MCUB: variants seen among roughly 807,000 people sequenced by gnomAD.
The protein encoded by MCUB is calcium uniporter regulatory subunit MCUb, mitochondrial.
MCUB carries 46 observed loss-of-function variants against 41.4 expected under a neutral mutation model. That is an observed-to-expected ratio of 1.11 (90% CI 0.88 to 1.42). The LOEUF (loss-of-function observed/expected upper bound fraction) is 1.42. MCUB is among the 40% of genes most tolerant of loss of function. The probability of loss-of-function intolerance (pLI) is 0.00; values close to 1 mark genes in which losing one functional copy is unlikely to be tolerated. For synonymous variants in MCUB, 148 were observed against 148.2 expected, an observed-to-expected ratio of 1.00 and a Z score of 0.01; for missense variants, 403 against 404.9, an observed-to-expected ratio of 1.00 and a Z score of 0.04.
chr4:109,667,199 A>C (rs181152515), intron 4 of MCUB, among the ~76,000 whole-genome samples: 1 of 152,274 alleles, frequency 6.6e-6, no homozygotes, highest in East Asian at 1.9e-4. Flanking sequence ...AGAATTCACC[A>C]AGAAAATCCA....
intron 1 of MCUB, among the ~76,000 whole-genome samples, chr4:109,579,854 C>T (rs747859742): frequency 6.6e-6 from 1 of 152,034 alleles, no homozygotes; most frequent in Non-Finnish European, 1.5e-5. Context: ...AAATAATGAA[C>T]CAAATCCCCA....
At chr4:109,567,696 G>A (rs1356482049) in intron 1 of MCUB, among the ~76,000 whole-genome samples, 1 of 151,566 alleles carries the variant, frequency 6.6e-6, no homozygotes, top group Non-Finnish European at 1.5e-5. Context: ...TTGAACAGGG[G>A]CTTTTTATTT....
chr4:109,624,901 A>G (rs1156723823), intron 1 of MCUB, among the ~76,000 whole-genome samples: 1 of 152,158 alleles, frequency 6.6e-6, no homozygotes, highest in Non-Finnish European at 1.5e-5. Context: ...GCATTTTGGG[A>G]GGCCAAGGTG....
chr4:109,563,160 G>A (rs780282083), intron 1 of MCUB, among the ~76,000 whole-genome samples: 1 of 152,174 alleles, frequency 6.6e-6, no homozygotes, highest in Non-Finnish European at 1.5e-5. Flanking sequence ...GAAAGCCCTT[G>A]CCTAAATGTG....
intron 1 of MCUB, among the ~76,000 whole-genome samples, chr4:109,592,384 TG>T (rs1727457979): frequency 6.6e-6 from 1 of 151,746 alleles, no homozygotes; most frequent in Admixed American, 6.6e-5. Context: ...CATTCCAGCC[TG>T]GGTGACAGAA....
chr4:109,676,433 G>C (rs1561250289), intron 4 of MCUB, among the ~76,000 whole-genome samples: 1 of 152,232 alleles, frequency 6.6e-6, no homozygotes, highest in Admixed American at 6.5e-5. Context: ...TTTGAAATGA[G>C]GAATATCTTA....
In MCUB at chr4:109,582,484, C is replaced by A. The variant is rs908679949; in HGVS notation, c.99+22048C>A. 2.0e-5 allele frequency among the ~76,000 whole-genome samples: 3 copies of A among 150,864 alleles called. No individual in the cohort carries two copies. In the East Asian group the frequency reaches 5.8e-4, roughly 29 times the overall value. ...GGCACATGTATACATATGTAACAAACCTGCACGTGGGGCACATGTACCCTA... is the reference window on the plus strand; with the variant it reads ...GGCACATGTATACATATGTAACAAAACTGCACGTGGGGCACATGTACCCTA... On this transcript the variant is annotated intron_variant, in intron 1 of 7. Transcript: ENST00000394650.
chr4:109,626,213 C>T (rs1263293201), intron 1 of MCUB, among the ~76,000 whole-genome samples: 1 of 152,146 alleles, frequency 6.6e-6, no homozygotes, highest in Non-Finnish European at 1.5e-5. Flanking sequence ...ATCCCAAATT[C>T]CTTCCTGAAA....
chr4:109,563,521 G>A (rs1726691018), intron 1 of MCUB, among the ~76,000 whole-genome samples: 1 of 152,144 alleles, frequency 6.6e-6, no homozygotes, highest in African/African-American at 2.4e-5. Context: ...CTCTCCTGAG[G>A]AGAGCAATTG....
At chr4:109,673,791 G>A (rs1729511253) in intron 4 of MCUB, 1 of 640,446 alleles carries the variant, frequency 1.6e-6, no homozygotes, top group Non-Finnish European at 2.8e-6. Context: ...TCAGAAGCCG[G>A]TTGGCGGGTG....
intron 1 of MCUB, among the ~76,000 whole-genome samples, chr4:109,590,296 A>G (rs1175692864): frequency 6.6e-6 from 1 of 152,322 alleles, no homozygotes; most frequent in East Asian, 1.9e-4. Flanking sequence ...TCATTGCTCT[A>G]TAATTGGCTT....
intron 1 of MCUB, among the ~76,000 whole-genome samples, chr4:109,584,973 G>A (rs1262967141): frequency 6.6e-6 from 1 of 152,152 alleles, no homozygotes; most frequent in East Asian, 1.9e-4. Context: ...AGGTCTGCTT[G>A]GTCCAGAGCT....
At chr4:109,638,953 C>T (rs1231481837) in intron 1 of MCUB, among the ~76,000 whole-genome samples, 1 of 152,154 alleles carries the variant, frequency 6.6e-6, no homozygotes, top group Non-Finnish European at 1.5e-5. Context: ...GCTATTTTTA[C>T]CATGTCTGCA....
chr4:109,639,561 G>A (rs538736474), intron 1 of MCUB, among the ~76,000 whole-genome samples: 15 of 152,090 alleles, frequency 9.9e-5, no homozygotes, highest in Non-Finnish European at 2.1e-4. Context: ...GATGGCAGGT[G>A]CCTGTAATCC....
At chr4:109,596,225 C>T (rs1462573339) in intron 1 of MCUB, among the ~76,000 whole-genome samples, 13 of 64,754 alleles carry the variant, frequency 2.0e-4, no homozygotes, top group Admixed American at 8.1e-4. Context: ...CAACTGCCTC[C>T]CAGATCCCCC....
At chr4:109,666,938 C>T (rs1729358918) in intron 4 of MCUB, among the ~76,000 whole-genome samples, 1 of 152,070 alleles carries the variant, frequency 6.6e-6, no homozygotes, top group Non-Finnish European at 1.5e-5. Flanking sequence ...GGATAAATCC[C>T]ACTTAGTTGT....
intron 1 of MCUB, among the ~76,000 whole-genome samples, chr4:109,644,169 A>G (rs971796190): frequency 6.6e-6 from 1 of 152,234 alleles, no homozygotes; most frequent in Non-Finnish European, 1.5e-5. Context: ...TTAGTATAGT[A>G]TGTGTATAGT....
chr4:109,568,660 A>G (rs1174869029), intron 1 of MCUB, among the ~76,000 whole-genome samples: 2 of 151,886 alleles, frequency 1.3e-5, no homozygotes, highest in Non-Finnish European at 2.9e-5. Flanking sequence ...ATTCCATTAT[A>G]CTTTGTTTTT....
intron 1 of MCUB, among the ~76,000 whole-genome samples, chr4:109,612,263 C>CT (rs56813205): frequency 0.58 from 66,623 of 114,632 alleles, 21,004 homozygotes; most frequent in South Asian, 0.71. Context: ...TCCTCCTTTT[C>CT]TTTTTTTTTT....
Sources: allele counts gnomAD v4.1 joint callset (sites outside exome capture counted in the v4.1 genomes callset), GRCh38; gene constraint gnomAD v4.1.1; transcripts MANE v1.5; gene names NCBI Gene and HGNC (gene_info 2026-07-23, HGNC 2026-07-21).